PSMA7: variants seen among roughly 807,000 people sequenced by gnomAD.
PSMA7 encodes proteasome subunit alpha type-7.
PSMA7 carries 5 observed loss-of-function variants against 31.3 expected under a neutral mutation model. The observed-to-expected ratio is 0.16, with a 90% CI of 0.08 to 0.34. The LOEUF is 0.34. Ranked by LOEUF, PSMA7 falls within the 10% of genes least tolerant of loss-of-function variation. The pLI, the probability that PSMA7 is intolerant of heterozygous loss-of-function variation, is 1.00. For missense variants in PSMA7, 217 were observed against 327.5 expected, an observed-to-expected ratio of 0.66 and a Z score of 2.60; for synonymous variants, 155 against 121.9, an observed-to-expected ratio of 1.27 and a Z score of -1.79.
In PSMA7 at chr20:62,143,339, C is replaced by A. The variant is rs1197256063; in HGVS notation, c.-36G>T. 10 of 1,320,720 alleles carry A rather than the reference C, an allele frequency of 7.6e-6. No individual in the cohort carries two copies. The highest frequency in any genetic ancestry group is 9.9e-6 in the Non-Finnish European group (10 of 1,007,466). The allele number at this position is 1,320,720 out of a possible 1,614,324, so 81.8% of individuals were successfully genotyped here. ...GGCGGCCGGGCTCCTTCCGCCGCGA[C>A]TCTCAAAAGCGCACACTCACGGCCC... On this transcript the variant is annotated 5_prime_UTR_variant, in exon 1 of 7. Coordinates refer to ENST00000370873, the MANE Select transcript of PSMA7 (RefSeq NM_002792.4).
chr20:62,142,750 G>A (rs1208387292), intron 1 of PSMA7, among the ~76,000 whole-genome samples: 1 of 152,198 alleles, frequency 6.6e-6, no homozygotes, highest in Admixed American at 6.5e-5. Context: ...TCCCCATAAG[G>A]GGGGTTTGAG....
chr20:62,139,180 A>G lies in PSMA7; in HGVS notation c.366T>C (p.Asn122=), dbSNP rs774861864. The change falls in exon 4 of 7, where the codon AAT becomes AAC. Residue 122 remains asparagine, a synonymous_variant. Transcript: ENST00000370873. ...CAGAGATGCCAAACGGCCTGCGCCC[A>G]TTGCTCTGCGTATAACGCTAGCAAG... is the stretch of plus-strand genomic sequence containing the variant. ...ASLKQRYTQS[N]GRRPFGISAL... The G allele has an allele frequency of 1.9e-6, 3 of 1,614,048 alleles. No individual in the cohort carries two copies. Among genetic ancestry groups the G allele is most frequent in the Non-Finnish European group, 2.5e-6 (3 of 1,180,004 alleles).
chr20:62,139,502 A>G (rs1440874284), intron 3 of PSMA7: 1 of 668,000 alleles, frequency 1.5e-6, no homozygotes, highest in African/African-American at 1.8e-5. Context: ...GCCCCCTTCA[A>G]CTGCTTTGTG....
At chr20:62,139,028 G>A (rs564004513) in intron 4 of PSMA7, 47 bp downstream of exon 4, 2 of 1,601,022 alleles carry the variant, frequency 1.2e-6, no homozygotes, top group South Asian at 1.1e-5. Flanking sequence ...ACCCCTCAAA[G>A]CCTTTTTCTG....
rs1196581845 is a variant in PSMA7, at chr20:62,143,201, G to A, written c.96+7C>T. 8.8e-6 allele frequency: 12 copies of A among 1,365,566 alleles called. No homozygotes were observed. In the Admixed American group the frequency reaches 1.8e-4, roughly 20 times the overall value. 84.6% of individuals were successfully genotyped at this position (1,365,566 alleles called of 1,614,324 possible). On this transcript the variant is annotated splice_region_variant and intron_variant, in intron 1 of 6. Transcript: ENST00000370873. The stretch of plus-strand genomic sequence containing the variant: ...TCCCCGGCCCCGCGCAGGCCCCGCC[G>A]CCTCACCGCGGTCGAGCCCTTCTTG...
intron 1 of PSMA7, among the ~76,000 whole-genome samples, chr20:62,141,663 C>G (rs2056927937): frequency 6.6e-6 from 1 of 152,230 alleles, no homozygotes; most frequent in Non-Finnish European, 1.5e-5. Context: ...GTTCTGAAGG[C>G]AGTGTTTCTG....
intron 3 of PSMA7, 79 bp from the exon 4 acceptor site, chr20:62,139,276 C>G (rs878967486): frequency 1.5e-5 from 23 of 1,534,298 alleles, no homozygotes; most frequent in Non-Finnish European, 2.0e-5. Flanking sequence ...AGTGAAGATA[C>G]GAACATTTTA....
chr20:62,139,485 G>A (rs1238171275), intron 3 of PSMA7: 15 of 645,850 alleles, frequency 2.3e-5, no homozygotes, highest in Non-Finnish European at 3.2e-5. Flanking sequence ...TCATAGGGTG[G>A]CTTCCAGCCC....
chr20:62,137,545 TC>T, intron 5 of PSMA7, 119 bp from the exon 6 acceptor site: 1 of 939,862 alleles, frequency 1.1e-6, no homozygotes, highest in Non-Finnish European at 1.7e-6. Flanking sequence ...GGAACAGAGG[TC>T]CCAGCCCCCA....
chr20:62,142,103 G>A (rs1176269782), intron 1 of PSMA7, among the ~76,000 whole-genome samples: 2 of 152,298 alleles, frequency 1.3e-5, no homozygotes, highest in African/African-American at 4.8e-5. Flanking sequence ...CAGTGGCTCC[G>A]TGTGGGCCCA....
chr20:62,137,320 G>T, intron 6 of PSMA7, 44 bp downstream of exon 6: 1 of 1,588,576 alleles, frequency 6.3e-7, no homozygotes, highest in Non-Finnish European at 8.6e-7. Flanking sequence ...CTGATCATGG[G>T]AGAAAACTGA....
At position 62,143,383 on chromosome 20, in the gene PSMA7, C is replaced by G; in HGVS notation, c.-80G>C. 1.3e-6 allele frequency: 1 copy of G among 791,676 alleles called. No individual in the cohort carries two copies. The allele number at this position is 791,676 out of a possible 1,614,324, so 49.0% of individuals were successfully genotyped here. On this transcript the variant is annotated 5_prime_UTR_variant, in exon 1 of 7. Coordinates refer to ENST00000370873, the MANE Select transcript of PSMA7 (RefSeq NM_002792.4). ...ACGGCCCGCGCGCACCCGCGACTCC[C>G]GGCGCCACTACGCCCGCGCCCCACC...
chr20:62,136,896 T>A lies in PSMA7; in HGVS notation c.708A>T (p.Lys236Asn). 6.2e-7 allele frequency: 1 copy of A among 1,600,034 alleles called. No homozygotes were observed. The highest frequency in any genetic ancestry group is 8.5e-7 in the Non-Finnish European group (1 of 1,175,210). ...EKYVAEIEKE[K>N]EENEKKKQKK... ...TTTGTTTCTTCTTTTCGTTTTCTTC[T>A]TTTTCTTTTTCAATTTCAGCAACAT... Residue 236 changes from lysine to asparagine, a missense_variant, in exon 7 of 7, where the codon AAA (lysine) becomes AAT (asparagine). Physicochemically the swap from Lys to Asn is moderately conservative, Grantham distance 94. Coordinates refer to ENST00000370873, the MANE Select transcript of PSMA7 (RefSeq NM_002792.4).
chr20:62,139,050 CAA>C, intron 4 of PSMA7, 23 bp downstream of exon 4: 1 of 1,611,914 alleles, frequency 6.2e-7, no homozygotes, highest in South Asian at 1.1e-5. Flanking sequence ...CAAGACTGTC[CAA>C]AGCCCCTTTG....
In PSMA7 at chr20:62,136,938, A is replaced by G; in HGVS notation, c.666T>C (p.Pro222=). The change falls in exon 7 of 7, where the codon CCT becomes CCC. Residue 222 remains proline (P), a synonymous_variant. Coordinates refer to ENST00000370873, the MANE Select transcript of PSMA7 (RefSeq NM_002792.4). ...RRDQSLKILN[P]EEIEKYVAEI... ...CAGCAACATACTTCTCAATTTCTTCAGGATTTAAAATCTATAGAAAAAAAC... is the reference window on the plus strand; with the variant it reads ...CAGCAACATACTTCTCAATTTCTTCGGGATTTAAAATCTATAGAAAAAAAC... 1.9e-6 allele frequency: 3 copies of G among 1,598,626 alleles called. No individual in the cohort carries two copies. The highest frequency in any genetic ancestry group is 2.7e-5 in the African/African-American group (2 of 73,810).
chr20:62,137,531 C>T (rs1027736307), intron 5 of PSMA7, 105 bp from the exon 6 acceptor site: 2 of 1,081,014 alleles, frequency 1.9e-6, no homozygotes, highest in Non-Finnish European at 2.8e-6. Context: ...CCAGCACCGT[C>T]CCAGGAACAG....
chr20:62,141,390 C>T (rs1169509094), intron 1 of PSMA7, among the ~76,000 whole-genome samples: 2 of 152,218 alleles, frequency 1.3e-5, no homozygotes, highest in African/African-American at 4.8e-5. Context: ...TGCGTTCACC[C>T]ACACCCCTTT....
rs2056953884 is a variant in PSMA7 at position 62,143,360 on chromosome 20, G to A, written c.-57C>T. 4 of 1,093,772 alleles carry A rather than the reference G, an allele frequency of 3.7e-6. No homozygotes were observed. The highest frequency in any genetic ancestry group is 1.7e-5 in the African/African-American group (1 of 58,914). The allele number at this position is 1,093,772 out of a possible 1,614,324, so 67.8% of individuals were successfully genotyped here. On this transcript the variant is annotated 5_prime_UTR_variant, in exon 1 of 7. Coordinates refer to ENST00000370873, the MANE Select transcript of PSMA7 (RefSeq NM_002792.4). Reference sequence around the variant, plus strand: ...GCGACTCTCAAAAGCGCACACTCACGGCCCGCGCGCACCCGCGACTCCCGG... The same window carrying A: ...GCGACTCTCAAAAGCGCACACTCACAGCCCGCGCGCACCCGCGACTCCCGG...
At chr20:62,141,370 C>T (rs746527482) in intron 1 of PSMA7, among the ~76,000 whole-genome samples, 1 of 152,164 alleles carries the variant, frequency 6.6e-6, no homozygotes, top group Non-Finnish European at 1.5e-5. Flanking sequence ...TAGCAGCTCC[C>T]ACTGGAAGGT....
Sources: gnomAD v4.1 joint callset for allele counts (sites outside exome capture counted in the v4.1 genomes callset) on GRCh38, gnomAD v4.1.1 for gene constraint, MANE v1.5 for transcripts, NCBI Gene and HGNC (gene_info 2026-07-23, HGNC 2026-07-21) for gene names.